Variants in RABGEF1 observed in about 807,000 individuals in gnomAD.
RABGEF1 encodes rab5 GDP/GTP exchange factor.
Under a neutral mutation model 57.3 loss-of-function variants are expected in RABGEF1, and 26 were observed. The observed-to-expected ratio is 0.45, with a 90% CI of 0.33 to 0.63. The LOEUF (loss-of-function observed/expected upper bound fraction) is 0.63, where lower values mean the gene tolerates loss of function less well. RABGEF1 is among the 20% of genes least tolerant of loss of function. The pLI, the probability that RABGEF1 is intolerant of heterozygous loss-of-function variation, is 0.02. For missense variants in RABGEF1, 464 were observed against 607.6 expected (o/e 0.76, Z 2.48); for synonymous variants, 185 against 210.7 (o/e 0.88, Z 1.06).
intron 1 of RABGEF1, among the ~76,000 whole-genome samples, chr7:66,699,834 CAG>C (rs1360100234): frequency 6.6e-5 from 10 of 152,138 alleles, no homozygotes; most frequent in African/African-American, 2.4e-4. Flanking sequence ...ACCTGAGTGA[CAG>C]AGAGAGACCC....
intron 8 of RABGEF1, among the ~76,000 whole-genome samples, chr7:66,806,980 T>G (rs1788580376): frequency 1.3e-5 from 2 of 152,154 alleles, no homozygotes. Flanking sequence ...TACACTTGCC[T>G]ACGAGGGAAG....
Position 66,795,923 on chromosome 7 carries a change from T to G in RABGEF1, c.595+331T>G, listed in dbSNP as rs555363148. ...GGAGGCTAAAGCAGGCGGATCACGT[T>G]AGGCCAGGAGTTCGAGACCAGCCTG... On this transcript the variant is annotated intron_variant, in intron 5 of 8. Coordinates refer to ENST00000284957, the MANE Select transcript of RABGEF1 (RefSeq NM_014504.3). Among the ~76,000 whole-genome samples, 330 of 152,212 alleles carry G rather than the reference T, an allele frequency of 2.2e-3. 1 individual carries two copies. Among genetic ancestry groups the G allele is most frequent in the Middle Eastern group, 6.8e-3 (2 of 294 alleles).
In RABGEF1 at chr7:66,757,156, A is replaced by G. The variant is rs535561309; in HGVS notation, c.-17-14727A>G. On this transcript the variant is annotated intron_variant, in intron 1 of 8. Coordinates refer to ENST00000284957, the MANE Select transcript of RABGEF1 (RefSeq NM_014504.3). ...ACTGTTACAACATTTATTTTCACACATTATGTTAAGTATATTTCCATATTT... is the reference window on the plus strand; with the variant it reads ...ACTGTTACAACATTTATTTTCACACGTTATGTTAAGTATATTTCCATATTT... 5.9e-5 allele frequency among the ~76,000 whole-genome samples: 9 copies of G among 152,342 alleles called. No homozygotes were observed. The South Asian group carries it at 1.4e-3, about 25-fold the overall frequency.
chr7:66,733,991 C>T (rs1018666438), intron 2 of RABGEF1, among the ~76,000 whole-genome samples: 8 of 152,112 alleles, frequency 5.3e-5, no homozygotes, highest in Admixed American at 3.3e-4. Flanking sequence ...GGCGACACAG[C>T]GAGACTCCGT....
At chr7:66,701,534 G>A (rs2117258293) in intron 1 of RABGEF1, among the ~76,000 whole-genome samples, 1 of 147,054 alleles carries the variant, frequency 6.8e-6, no homozygotes, top group Non-Finnish European at 1.5e-5. Context: ...TTGAGACAGA[G>A]TTTCGCCCTT....
At chr7:66,663,394 G>A in the RABGEF1 span, among the ~76,000 whole-genome samples, 1 of 152,130 alleles carries the variant, frequency 6.6e-6, no homozygotes, top group African/African-American at 2.4e-5. Context: ...CAACCATGCT[G>A]GTCTCAGCAC....
At chr7:66,683,359 A>T (rs1584592163) in intron 1 of RABGEF1, among the ~76,000 whole-genome samples, 1 of 152,224 alleles carries the variant, frequency 6.6e-6, no homozygotes, top group African/African-American at 2.4e-5. Context: ...TATTGTTAAC[A>T]TTTAATGATA....
intron 2 of RABGEF1, among the ~76,000 whole-genome samples, chr7:66,714,927 T>A (rs925788239): frequency 6.6e-6 from 1 of 152,172 alleles, no homozygotes; most frequent in South Asian, 2.1e-4. Flanking sequence ...AGAGCGAGAC[T>A]CCGTCTCAAA....
chr7:66,707,184 A>C (rs1415556770), intron 1 of RABGEF1, among the ~76,000 whole-genome samples: 1 of 152,250 alleles, frequency 6.6e-6, no homozygotes, highest in Non-Finnish European at 1.5e-5. Flanking sequence ...CATTGTGGTC[A>C]GAAAACGTAT....
At position 66,776,263 on chromosome 7, in the gene RABGEF1, G is replaced by A. The variant is rs117468537; in HGVS notation, c.346+870G>A. On this transcript the variant is annotated intron_variant, in intron 3 of 8. Transcript: ENST00000284957. ...AATTGTAATGAGGTCTCCCCTGAAG[G>A]CCGGGGAATGAATAATAAGACAGTG... Among the ~76,000 whole-genome samples, 178 of 152,294 alleles carry A rather than the reference G, an allele frequency of 1.2e-3. 2 individuals are homozygous for A. The East Asian group carries it at 0.03, about 25-fold the overall frequency.
intron 1 of RABGEF1, among the ~76,000 whole-genome samples, chr7:66,688,744 G>A (rs907577211): frequency 1.3e-5 from 2 of 152,162 alleles, no homozygotes; most frequent in South Asian, 2.1e-4. Flanking sequence ...CAGAATTTAT[G>A]GGATGCAGTT....
rs188791335 is a variant in RABGEF1, at chr7:66,689,595, G to A, written c.-873+7337G>A. On this transcript the variant is annotated intron_variant and NMD_transcript_variant, in intron 1 of 9. Transcript: ENST00000607882. Reference sequence around the variant, plus strand: ...AGGTGGGCAGATCACCTGAGGTCAGGAGTTAGAGACCAGCCTGGCCAACAT... The same window carrying A: ...AGGTGGGCAGATCACCTGAGGTCAGAAGTTAGAGACCAGCCTGGCCAACAT... Among the ~76,000 whole-genome samples the A allele has an allele frequency of 8.1e-3, 1,238 of 152,240 alleles. 10 individuals carry two copies. The highest frequency in any genetic ancestry group is 0.012 in the Non-Finnish European group (848 of 68,010).
At chr7:66,745,672 G>T (rs1396302741) in intron 1 of RABGEF1, among the ~76,000 whole-genome samples, 3 of 151,746 alleles carry the variant, frequency 2.0e-5, no homozygotes, top group African/African-American at 7.3e-5. Flanking sequence ...GGGAGTCTGA[G>T]GCACAAGAAT....
At chr7:66,679,070 C>A (rs186159380), upstream of RABGEF1, among the ~76,000 whole-genome samples, 457 of 152,308 alleles carry the variant, frequency 3.0e-3, 2 homozygotes, top group Non-Finnish European at 4.5e-3. Flanking sequence ...TAGTTCCCTC[C>A]CATATTGACG....
intron 2 of RABGEF1, among the ~76,000 whole-genome samples, chr7:66,715,760 T>C (rs1795317832): frequency 6.6e-6 from 1 of 152,122 alleles, no homozygotes; most frequent in Non-Finnish European, 1.5e-5. Context: ...CTTTTTTTTT[T>C]AGAGATGGGT....
chr7:66,808,975 C>G lies in RABGEF1; in HGVS notation c.1167C>G (p.Thr389=). Residue 389 remains threonine, a synonymous_variant, in exon 9 of 9, where the codon ACC becomes ACG. Coordinates refer to ENST00000284957, the MANE Select transcript of RABGEF1 (RefSeq NM_014504.3). ...TTGATCGCTACATGTCTGGCCAGAC[C>G]TCTCCCAGGAAGCAAGAAGCTGAGA... is the stretch of plus-strand genomic sequence containing the variant. ...EDFDRYMSGQ[T]SPRKQEAESW... The G allele has an allele frequency of 6.2e-7, 1 of 1,614,082 alleles. No individual in the cohort carries two copies. Among genetic ancestry groups the G allele is most frequent in the Non-Finnish European group, 8.5e-7 (1 of 1,180,026 alleles).
chr7:66,733,587 A>G (rs1054560351), intron 2 of RABGEF1, among the ~76,000 whole-genome samples: 2 of 152,088 alleles, frequency 1.3e-5, no homozygotes, highest in African/African-American at 4.8e-5. Flanking sequence ...AATCCCAGCT[A>G]CTCGGGAGGC....
At chr7:66,697,012 C>G (rs1792447265) in intron 1 of RABGEF1, among the ~76,000 whole-genome samples, 1 of 152,284 alleles carries the variant, frequency 6.6e-6, no homozygotes, top group Middle Eastern at 3.4e-3. Context: ...AGAGAGAGGA[C>G]TGCAGAAGGA....
chr7:66,800,933 C>T (rs368975763), intron 7 of RABGEF1, among the ~76,000 whole-genome samples: 23 of 152,190 alleles, frequency 1.5e-4, no homozygotes, highest in Middle Eastern at 3.4e-3. Context: ...TAGTGGGACT[C>T]GATAGGAGAG....
Sources: gnomAD v4.1 joint callset for allele counts (sites outside exome capture counted in the v4.1 genomes callset) on GRCh38, gnomAD v4.1.1 for gene constraint, MANE v1.5 for transcripts, NCBI Gene and HGNC (gene_info 2026-07-23, HGNC 2026-07-21) for gene names.